Variants in CSMD3 observed in about 807,000 individuals in gnomAD.
The protein encoded by CSMD3 is CUB and Sushi multiple domains 3.
Under a neutral mutation model 435.2 loss-of-function variants are expected in CSMD3, and 177 were observed. The observed-to-expected ratio is 0.41, with a 90% CI of 0.36 to 0.46. The LOEUF (loss-of-function observed/expected upper bound fraction) is 0.46, where lower values mean the gene tolerates loss of function less well. Ranked by LOEUF, CSMD3 falls within the 20% of genes least tolerant of loss-of-function variation. The probability of loss-of-function intolerance (pLI) is 0.34; values close to 1 mark genes in which losing one functional copy is unlikely to be tolerated. For synonymous variants in CSMD3, 1,656 were observed against 1,520.5 expected, an observed-to-expected ratio of 1.09 and a Z score of -2.07; for missense variants, 4,265 against 4,504.6, an observed-to-expected ratio of 0.95 and a Z score of 1.52.
chr8:112,575,869 A>G (rs1017815691), intron 23 of CSMD3, among the ~76,000 whole-genome samples: 12 of 152,100 alleles, frequency 7.9e-5, no homozygotes, highest in South Asian at 2.1e-4. Flanking sequence ...ATGATTCTAT[A>G]TTACATAGTA....
chr8:113,213,294 G>T (rs1343558845), intron 3 of CSMD3, among the ~76,000 whole-genome samples: 1 of 152,090 alleles, frequency 6.6e-6, no homozygotes, highest in Non-Finnish European at 1.5e-5. Context: ...TAAAAGATCA[G>T]AGAGAAGCCT....
chr8:112,314,224 T>C (rs1463349625), intron 48 of CSMD3, among the ~76,000 whole-genome samples, 172 bp from the exon 49 acceptor site: 2 of 152,108 alleles, frequency 1.3e-5, no homozygotes, highest in East Asian at 1.9e-4. Flanking sequence ...TTTAATTCTA[T>C]AGCTAAATGA....
intron 13 of CSMD3, among the ~76,000 whole-genome samples, chr8:112,761,867 C>T (rs936185281): frequency 1.2e-4 from 18 of 151,930 alleles, no homozygotes; most frequent in African/African-American, 4.3e-4. Context: ...ATGCAATTGG[C>T]CTTGTGGTAT....
intron 6 of CSMD3, among the ~76,000 whole-genome samples, chr8:113,015,310 T>C (rs1310989471): frequency 6.6e-6 from 1 of 152,084 alleles, no homozygotes; most frequent in Admixed American, 6.6e-5. Context: ...TTTGAGAATC[T>C]ATGTAAAATA....
chr8:112,550,943 T>A, intron 26 of CSMD3, 70 bp from the exon 27 acceptor site: 1 of 1,074,756 alleles, frequency 9.3e-7, no homozygotes. Flanking sequence ...ATAGAACAAA[T>A]GTGCATTATG....
intron 24 of CSMD3, among the ~76,000 whole-genome samples, chr8:112,570,359 C>T (rs1829405092): frequency 6.6e-6 from 1 of 152,134 alleles, no homozygotes; most frequent in Non-Finnish European, 1.5e-5. Flanking sequence ...AGTATAACCA[C>T]AATGCAATGT....
chr8:112,853,965 T>C (rs552510393), intron 11 of CSMD3, among the ~76,000 whole-genome samples: 47 of 152,284 alleles, frequency 3.1e-4, no homozygotes, highest in Non-Finnish European at 5.6e-4. Flanking sequence ...CCATGAAAGA[T>C]TTCCTCCTTT....
chr8:112,320,378 G>A (rs954298662), intron 45 of CSMD3, among the ~76,000 whole-genome samples: 5 of 151,990 alleles, frequency 3.3e-5, no homozygotes, highest in Admixed American at 6.6e-5. Flanking sequence ...AGCAATAATT[G>A]CAAACAAATG....
chr8:112,815,295 C>A (rs1329428271), intron 12 of CSMD3, among the ~76,000 whole-genome samples: 1 of 152,050 alleles, frequency 6.6e-6, no homozygotes, highest in Non-Finnish European at 1.5e-5. Context: ...ACATAGGATT[C>A]AGAAGTTTTA....
chr8:113,434,467 C>G (rs181178319), intron 1 of CSMD3, among the ~76,000 whole-genome samples: 7 of 152,170 alleles, frequency 4.6e-5, no homozygotes, highest in Non-Finnish European at 1.0e-4. Context: ...AAGCAACTAT[C>G]AAAATTGGCA....
intron 5 of CSMD3, among the ~76,000 whole-genome samples, chr8:113,069,756 A>G (rs1419786357): frequency 1.3e-5 from 2 of 152,140 alleles, no homozygotes; most frequent in East Asian, 3.9e-4. Context: ...TAACTAGTTC[A>G]AGACAACAGA....
chr8:112,638,823 C>T lies in CSMD3; in HGVS notation c.3399G>A (p.Leu1133=), dbSNP rs2131589554. 6.2e-7 allele frequency: 1 copy of T among 1,612,414 alleles called. No individual in the cohort carries two copies. Among genetic ancestry groups the T allele is most frequent in the East Asian group, 2.2e-5 (1 of 44,814 alleles). ...GAAGATCTGAACCAGTCAGGCGTGC[C>T]AGTGGTTGGGTAAAACTGCCATTCT... ...ITENGSFTQP[L]ARLTGSDLPP... is the part of the protein sequence containing the mutation. The change falls in exon 21 of 71, where the codon CTG becomes CTA. Residue 1133 remains leucine, a synonymous_variant. Coordinates refer to ENST00000297405, the MANE Select transcript of CSMD3 (RefSeq NM_198123.2).
chr8:112,688,242 C>A (rs1431586742), intron 14 of CSMD3, among the ~76,000 whole-genome samples: 15 of 152,158 alleles, frequency 9.9e-5, no homozygotes, highest in Admixed American at 9.8e-4. Context: ...CAAAGACACA[C>A]TTTAATGGCC....
intron 38 of CSMD3, 151 bp downstream of exon 38, chr8:112,380,201 T>C (rs1411970594): frequency 9.2e-6 from 5 of 544,982 alleles, no homozygotes; most frequent in Non-Finnish European, 1.6e-5. Flanking sequence ...AATTTTGCAA[T>C]TGAACTGAAG....
At chr8:112,697,095 G>A (rs2076274767) in intron 13 of CSMD3, among the ~76,000 whole-genome samples, 1 of 151,350 alleles carries the variant, frequency 6.6e-6, no homozygotes, top group Non-Finnish European at 1.5e-5. Flanking sequence ...TGGAGAGGAT[G>A]TGGAGAAATA....
intron 4 of CSMD3, among the ~76,000 whole-genome samples, chr8:113,130,610 G>C (rs1359049529): frequency 6.6e-6 from 1 of 152,034 alleles, no homozygotes; most frequent in Non-Finnish European, 1.5e-5. Context: ...TAGTTCCTTA[G>C]AGCAGTGAAA....
chr8:113,024,974 G>A (rs1322985269), intron 5 of CSMD3, among the ~76,000 whole-genome samples: 1 of 152,130 alleles, frequency 6.6e-6, no homozygotes, highest in East Asian at 1.9e-4. Flanking sequence ...AGTGAGACAT[G>A]TGGTGTTTGT....
chr8:112,499,979 C>A (rs1821779675), intron 30 of CSMD3, among the ~76,000 whole-genome samples: 1 of 152,148 alleles, frequency 6.6e-6, no homozygotes, highest in African/African-American at 2.4e-5. Flanking sequence ...CATGGTGGCT[C>A]ATGCCTGTAA....
rs529929977 is a variant in CSMD3, at chr8:112,378,830, A to G, written c.6136+1522T>C. Among the ~76,000 whole-genome samples, 7 of 152,306 alleles carry G rather than the reference A, an allele frequency of 4.6e-5. No individual in the cohort carries two copies. In the South Asian group the frequency reaches 1.4e-3, roughly 32 times the overall value. ...ATGTTCCCAACATAAATAAATGATAAATAATTGAGGTTATGAATGATAATA... is the reference window on the plus strand; with the variant it reads ...ATGTTCCCAACATAAATAAATGATAGATAATTGAGGTTATGAATGATAATA... On this transcript the variant is annotated intron_variant, in intron 38 of 70. Coordinates refer to ENST00000297405, the MANE Select transcript of CSMD3 (RefSeq NM_198123.2).
Sources: gnomAD v4.1 joint callset for allele counts (sites outside exome capture counted in the v4.1 genomes callset) on GRCh38, gnomAD v4.1.1 for gene constraint, MANE v1.5 for transcripts, NCBI Gene and HGNC (gene_info 2026-07-23, HGNC 2026-07-21) for gene names.